OSTF1: variants seen among roughly 807,000 people sequenced by gnomAD.
The protein encoded by OSTF1 is osteoclast stimulating factor 1.
Under a neutral mutation model 37.2 loss-of-function variants are expected in OSTF1, and 27 were observed. The ratio of observed to expected loss-of-function variants is 0.73; its 90% CI spans 0.54 to 1.00. The LOEUF is 1.00. Among genes scored for constraint, OSTF1 ranks in the 50% least tolerant of loss-of-function variants. OSTF1 has a pLI of 0.00. For synonymous variants in OSTF1, 82 were observed against 89.2 expected (o/e 0.92, Z 0.46); for missense variants, 232 against 253.8 (o/e 0.91, Z 0.58).
chr9:75,122,726 A>T (rs1825599369), intron 2 of OSTF1, among the ~76,000 whole-genome samples: 2 of 152,182 alleles, frequency 1.3e-5, no homozygotes, highest in Admixed American at 1.3e-4. Flanking sequence ...TAACATGATG[A>T]TAAGAATAGC....
chr9:75,097,782 C>T (rs1181798617), intron 1 of OSTF1, among the ~76,000 whole-genome samples: 1 of 151,552 alleles, frequency 6.6e-6, no homozygotes, highest in Non-Finnish European at 1.5e-5. Context: ...AGCAACAGCT[C>T]CATTAGCACC....
At chr9:75,091,481 G>T (rs905941061) in intron 1 of OSTF1, among the ~76,000 whole-genome samples, 10 of 152,136 alleles carry the variant, frequency 6.6e-5, no homozygotes, top group African/African-American at 2.4e-4. Context: ...GGGGCCTCTG[G>T]TCTACAGACT....
At chr9:75,136,791 C>A (rs1434622302) in intron 7 of OSTF1, among the ~76,000 whole-genome samples, 1 of 152,144 alleles carries the variant, frequency 6.6e-6, no homozygotes, top group Non-Finnish European at 1.5e-5. Context: ...GAGGTCCTGG[C>A]TATTTTGCTA....
chr9:75,127,638 T>C lies in OSTF1; in HGVS notation c.132+19T>C. Reference sequence around the variant, plus strand: ...TGACATGGTAAGTCCAGATAACATCTTGTAATACCACATATAAAGACTGTT... The same window carrying C: ...TGACATGGTAAGTCCAGATAACATCCTGTAATACCACATATAAAGACTGTT... On this transcript the variant is annotated intron_variant, in intron 3 of 9. Coordinates refer to ENST00000346234, the MANE Select transcript of OSTF1 (RefSeq NM_012383.5). 7.4e-7 allele frequency: 1 copy of C among 1,355,954 alleles called. No homozygotes were observed. The highest frequency in any genetic ancestry group is 1.0e-6 in the Non-Finnish European group (1 of 961,604). 84.0% of individuals were successfully genotyped at this position (1,355,954 alleles called of 1,614,324 possible). A position where few individuals can be genotyped will look rare whatever the true frequency, so the allele number is the denominator to read the frequency against.
rs540730937 is a variant in OSTF1, at chr9:75,104,565, C to T, written c.35-12939C>T. ...TAAAATTAAAAACAAACAAAAAAAG[C>T]ATTAGAATATCTCTTGCTGGGATAT... On this transcript the variant is annotated intron_variant, in intron 1 of 9. Coordinates refer to ENST00000346234, the MANE Select transcript of OSTF1 (RefSeq NM_012383.5). Among the ~76,000 whole-genome samples, 12 of 152,114 alleles carry T rather than the reference C, an allele frequency of 7.9e-5. No individual in the cohort carries two copies. In the East Asian group the frequency reaches 2.1e-3, roughly 27 times the overall value.
chr9:75,096,984 C>A (rs1462607003), intron 1 of OSTF1, among the ~76,000 whole-genome samples: 1 of 152,070 alleles, frequency 6.6e-6, no homozygotes, highest in Non-Finnish European at 1.5e-5. Flanking sequence ...CTTTTTTGGG[C>A]TTATTGTTTG....
intron 1 of OSTF1, among the ~76,000 whole-genome samples, chr9:75,100,189 G>T (rs905455373): frequency 6.6e-6 from 1 of 152,170 alleles, no homozygotes; most frequent in Non-Finnish European, 1.5e-5. Flanking sequence ...CTGCCCCAGA[G>T]AGCACTGATT....
intron 7 of OSTF1, among the ~76,000 whole-genome samples, chr9:75,135,779 CT>C (rs1825833605): frequency 6.6e-6 from 1 of 152,166 alleles, no homozygotes; most frequent in Admixed American, 6.5e-5. Flanking sequence ...GGATTCTCAT[CT>C]GGAGCTTGGG....
At chr9:75,121,059 G>C (rs1587458844) in intron 2 of OSTF1, among the ~76,000 whole-genome samples, 1 of 152,164 alleles carries the variant, frequency 6.6e-6, no homozygotes, top group Non-Finnish European at 1.5e-5. Flanking sequence ...GCCCGCACTA[G>C]GGTTCAGGAC....
intron 7 of OSTF1, among the ~76,000 whole-genome samples, chr9:75,136,020 T>C (rs1825837326): frequency 6.6e-6 from 1 of 152,326 alleles, no homozygotes; most frequent in African/African-American, 2.4e-5. Flanking sequence ...AATGTCCCTT[T>C]TGAAGAATTC....
At chr9:75,119,310 G>A (rs1367977424) in intron 2 of OSTF1, among the ~76,000 whole-genome samples, 1 of 152,200 alleles carries the variant, frequency 6.6e-6, no homozygotes, top group Non-Finnish European at 1.5e-5. Flanking sequence ...TAACATGGGG[G>A]TGTGCATATT....
intron 1 of OSTF1, among the ~76,000 whole-genome samples, chr9:75,090,329 G>A (rs919122260): frequency 7.3e-6 from 1 of 137,638 alleles, no homozygotes; most frequent in South Asian, 2.3e-4. Flanking sequence ...GTGTGTGTGT[G>A]TACACAGTAA....
At position 75,134,427 on chromosome 9, in the gene OSTF1, C is replaced by T. The variant is rs757044665; in HGVS notation, c.408+32C>T. 19 of 1,225,718 alleles carry T rather than the reference C, an allele frequency of 1.6e-5. No individual in the cohort carries two copies. In the East Asian group the frequency reaches 4.5e-4, roughly 29 times the overall value. 75.9% of individuals were successfully genotyped at this position (1,225,718 alleles called of 1,614,324 possible). On this transcript the variant is annotated intron_variant, in intron 7 of 9. Transcript: ENST00000346234. ...CTGCTTATTTGAAAATTATTTAACACATACCTGCTTGTTGTCTTTAGTACA... is the reference window on the plus strand; with the variant it reads ...CTGCTTATTTGAAAATTATTTAACATATACCTGCTTGTTGTCTTTAGTACA...
At chr9:75,116,192 TATA>T (rs1825486139) in intron 1 of OSTF1, among the ~76,000 whole-genome samples, 1 of 152,060 alleles carries the variant, frequency 6.6e-6, no homozygotes, top group Non-Finnish European at 1.5e-5. Context: ...TTGCATTAAG[TATA>T]ATAAGTAATC....
chr9:75,094,715 T>A lies in OSTF1; in HGVS notation c.34+5989T>A, dbSNP rs572751467. Among the ~76,000 whole-genome samples, 64 of 151,424 alleles carry A rather than the reference T, an allele frequency of 4.2e-4. 3 individuals are homozygous for A. In the South Asian group the frequency reaches 0.013, roughly 32 times the overall value. On this transcript the variant is annotated intron_variant, in intron 1 of 9. Transcript: ENST00000346234. ...TTTCAGTGGGCTGATATGAGTGAGGTGTCAAGATTCTCTTATCAAATTAAA... is the reference window on the plus strand; with the variant it reads ...TTTCAGTGGGCTGATATGAGTGAGGAGTCAAGATTCTCTTATCAAATTAAA...
chr9:75,127,243 A>G (rs1825675518), intron 2 of OSTF1, among the ~76,000 whole-genome samples: 1 of 152,216 alleles, frequency 6.6e-6, no homozygotes, highest in African/African-American at 2.4e-5. Context: ...GAAAAAATGT[A>G]TACCACCTTT....
intron 8 of OSTF1, among the ~76,000 whole-genome samples, chr9:75,138,661 G>A (rs1825880463): frequency 1.3e-5 from 2 of 152,128 alleles, no homozygotes; most frequent in African/African-American, 2.4e-5. Context: ...TGCAAATGTG[G>A]CTGTTAGAAA....
chr9:75,115,043 A>G (rs949612965), intron 1 of OSTF1, among the ~76,000 whole-genome samples: 1 of 152,248 alleles, frequency 6.6e-6, no homozygotes, highest in African/African-American at 2.4e-5. Flanking sequence ...GTTTTTGAGT[A>G]TTCAGTCTAT....
chr9:75,143,412 A>AT (rs892774617), intron 9 of OSTF1, among the ~76,000 whole-genome samples: 3 of 152,136 alleles, frequency 2.0e-5, no homozygotes, highest in African/African-American at 7.2e-5. Context: ...AGCTTGATTA[A>AT]TTTTTTTTAC....
Sources: allele counts gnomAD v4.1 joint callset (sites outside exome capture counted in the v4.1 genomes callset), GRCh38; gene constraint gnomAD v4.1.1; transcripts MANE v1.5; gene names NCBI Gene and HGNC (gene_info 2026-07-23, HGNC 2026-07-21).